RPS6KC1: variants seen among roughly 807,000 people sequenced by gnomAD.
RPS6KC1 encodes ribosomal protein S6 kinase C1, also known as inactive ribosomal protein S6 kinase delta-1.
In RPS6KC1, 54 loss-of-function variants were observed where a neutral mutation model predicts 103.8. The ratio of observed to expected loss-of-function variants is 0.52; its 90% CI spans 0.42 to 0.65. RPS6KC1 has a LOEUF of 0.65. Among genes scored for constraint, RPS6KC1 ranks in the 30% least tolerant of loss-of-function variants. RPS6KC1 has a pLI of 0.00. For synonymous variants in RPS6KC1, 439 were observed against 438.7 expected (o/e 1.00, Z -0.01); for missense variants, 1,151 against 1,253.8 (o/e 0.92, Z 1.24).
the RPS6KC1 span, among the ~76,000 whole-genome samples, chr1:213,565,402 C>T: frequency 6.6e-6 from 1 of 152,118 alleles, no homozygotes; most frequent in Non-Finnish European, 1.5e-5. Flanking sequence ...AATTGGTATG[C>T]TCATATAATG....
At chr1:213,420,151 A>T in the RPS6KC1 span, among the ~76,000 whole-genome samples, 1 of 151,980 alleles carries the variant, frequency 6.6e-6, no homozygotes, top group Non-Finnish European at 1.5e-5. Flanking sequence ...GCGTGGGAGG[A>T]TTGGAAGAGG....
At chr1:213,232,652 C>T (rs945977215) in intron 10 of RPS6KC1, among the ~76,000 whole-genome samples, 4 of 152,170 alleles carry the variant, frequency 2.6e-5, no homozygotes, top group African/African-American at 9.7e-5. Flanking sequence ...TAATTAATTA[C>T]CTCCTTCTTT....
At chr1:213,184,623 C>T (rs1352761628) in intron 8 of RPS6KC1, among the ~76,000 whole-genome samples, 3 of 152,062 alleles carry the variant, frequency 2.0e-5, no homozygotes, top group Non-Finnish European at 2.9e-5. Flanking sequence ...AAAAATTGGG[C>T]ATTTATTGCT....
chr1:213,862,446 G>A, the RPS6KC1 span, among the ~76,000 whole-genome samples: 1 of 152,176 alleles, frequency 6.6e-6, no homozygotes, highest in Non-Finnish European at 1.5e-5. Context: ...AGGGCCAGAA[G>A]CACCAGAGCA....
At chr1:213,635,474 C>T in the RPS6KC1 span, among the ~76,000 whole-genome samples, 1 of 152,168 alleles carries the variant, frequency 6.6e-6, no homozygotes, top group Non-Finnish European at 1.5e-5. Flanking sequence ...ATATGCAAAT[C>T]AATAAACATA....
the RPS6KC1 span, among the ~76,000 whole-genome samples, chr1:213,728,178 G>A: frequency 6.6e-6 from 1 of 152,146 alleles, no homozygotes; most frequent in African/African-American, 2.4e-5. Flanking sequence ...TAATGGGAAA[G>A]AGTGAGATAA....
At chr1:213,594,098 C>G in the RPS6KC1 span, among the ~76,000 whole-genome samples, 7,810 of 152,206 alleles carry the variant, frequency 0.051, 463 homozygotes, top group African/African-American at 0.14. Context: ...CTACTGGCCT[C>G]AAGCAATCCA....
At chr1:213,508,534 G>T in the RPS6KC1 span, among the ~76,000 whole-genome samples, 1 of 152,280 alleles carries the variant, frequency 6.6e-6, no homozygotes, top group African/African-American at 2.4e-5. Context: ...AGGGGTTTGT[G>T]TGTGTGTGTG....
the RPS6KC1 span, among the ~76,000 whole-genome samples, chr1:213,729,753 T>G: frequency 6.6e-6 from 1 of 152,146 alleles, no homozygotes; most frequent in East Asian, 1.9e-4. Flanking sequence ...TTTTTGAGTT[T>G]AGGCCCAAAT....
At chr1:213,814,398 T>C in the RPS6KC1 span, among the ~76,000 whole-genome samples, 1 of 152,234 alleles carries the variant, frequency 6.6e-6, no homozygotes, top group Non-Finnish European at 1.5e-5. Context: ...TGTCCTTTTC[T>C]CTGTTCTGGC....
the RPS6KC1 span, among the ~76,000 whole-genome samples, chr1:213,626,191 C>A: frequency 6.6e-6 from 1 of 152,210 alleles, no homozygotes; most frequent in Non-Finnish European, 1.5e-5. Flanking sequence ...TGATGAAGAG[C>A]ATTTTTTCAT....
chr1:213,725,277 C>G, the RPS6KC1 span, among the ~76,000 whole-genome samples: 5 of 152,248 alleles, frequency 3.3e-5, no homozygotes, highest in African/African-American at 1.2e-4. Flanking sequence ...GCAACACATT[C>G]TTTGACAGCA....
chr1:213,630,974 C>T, the RPS6KC1 span, among the ~76,000 whole-genome samples: 4 of 152,210 alleles, frequency 2.6e-5, no homozygotes, highest in Non-Finnish European at 4.4e-5. Flanking sequence ...TGTGAGGTGT[C>T]AGTCTTCCCC....
the RPS6KC1 span, among the ~76,000 whole-genome samples, chr1:213,852,539 C>A: frequency 1.3e-5 from 2 of 152,126 alleles, no homozygotes; most frequent in Admixed American, 1.3e-4. Context: ...CCTTTTTAAT[C>A]GACAGATCTG....
At chr1:213,279,123 G>A (rs2095118101), downstream of RPS6KC1, among the ~76,000 whole-genome samples, 3 of 152,052 alleles carry the variant, frequency 2.0e-5, no homozygotes, top group Admixed American at 2.0e-4. Flanking sequence ...TGGAGAGCTG[G>A]CATTATTGCA....
chr1:213,054,462 TTTTCAGGATAA>T (rs1253173152), intron 1 of RPS6KC1, among the ~76,000 whole-genome samples: 1 of 152,228 alleles, frequency 6.6e-6, no homozygotes, highest in Non-Finnish European at 1.5e-5. Flanking sequence ...AAAACACCTT[TTTTCAGGATAA>T]TTAACCAGGT....
At chr1:213,780,569 T>C in the RPS6KC1 span, among the ~76,000 whole-genome samples, 1 of 152,228 alleles carries the variant, frequency 6.6e-6, no homozygotes, top group Non-Finnish European at 1.5e-5. Flanking sequence ...AGAATTCTCT[T>C]CTTATAGGCT....
intron 10 of RPS6KC1, among the ~76,000 whole-genome samples, chr1:213,239,329 C>G (rs565292436): frequency 2.0e-5 from 3 of 150,438 alleles, no homozygotes; most frequent in African/African-American, 4.9e-5. Flanking sequence ...CAGAGTGAGA[C>G]TCTAAGAAAA....
At chr1:213,388,702 C>A in the RPS6KC1 span, among the ~76,000 whole-genome samples, 8 of 152,262 alleles carry the variant, frequency 5.3e-5, no homozygotes, top group East Asian at 1.5e-3. Flanking sequence ...TAGTTCCAGG[C>A]AAGGTACAGT....
Sources: allele counts gnomAD v4.1 joint callset (sites outside exome capture counted in the v4.1 genomes callset), GRCh38; gene constraint gnomAD v4.1.1; transcripts MANE v1.5; gene names NCBI Gene and HGNC (gene_info 2026-07-23, HGNC 2026-07-21).